DNAH10: variants seen among roughly 807,000 people sequenced by gnomAD.
DNAH10 encodes the protein dynein axonemal heavy chain 10, also known as axonemal beta dynein heavy chain 10.
A neutral mutation model predicts 506.6 loss-of-function variants in DNAH10; 348 were observed. The observed-to-expected ratio is 0.69, with a 90% CI of 0.63 to 0.75. The LOEUF (loss-of-function observed/expected upper bound fraction) is 0.75. Among genes scored for constraint, DNAH10 ranks in the 30% least tolerant of loss-of-function variants. The pLI, the probability that DNAH10 is intolerant of heterozygous loss-of-function variation, is 0.00. For missense variants in DNAH10, 5,179 were observed against 5,787.1 expected, an observed-to-expected ratio of 0.89 and a Z score of 3.41; for synonymous variants, 2,059 against 2,198.6, an observed-to-expected ratio of 0.94 and a Z score of 1.78.
In DNAH10 at chr12:123,848,721, T is replaced by C; in HGVS notation, c.5950-9T>C. The C allele has an allele frequency of 6.2e-7, 1 of 1,613,884 alleles. No individual in the cohort carries two copies. Among genetic ancestry groups the C allele is most frequent in the Non-Finnish European group, 8.5e-7 (1 of 1,179,804 alleles). On this transcript the variant is annotated splice_polypyrimidine_tract_variant and intron_variant, in intron 33 of 78. Transcript: ENST00000673944. The stretch of plus-strand genomic sequence containing the variant: ...AATTGCCCTTGTCCTGACATGTCTT[T>C]CTTCCTAGGCCGTGGGGAAGATTTT...
chr12:123,909,146 A>T lies in DNAH10; in HGVS notation c.9816-115A>T. The T allele has an allele frequency of 7.3e-7, 1 of 1,370,104 alleles. No homozygotes were observed. Among genetic ancestry groups the T allele is most frequent in the Non-Finnish European group, 1.0e-6 (1 of 1,002,816 alleles). The allele number at this position is 1,370,104 out of a possible 1,614,324, so 84.9% of individuals were successfully genotyped here. A position where few individuals can be genotyped will look rare whatever the true frequency, so the allele number is the denominator to read the frequency against. On this transcript the variant is annotated intron_variant, in intron 57 of 78. Transcript: ENST00000673944. The surrounding 1 kb of genome is among the most constrained non-coding windows in gnomAD (Gnocchi z 5.4). ...GACCTGGCTTCTTTCGTTTGCTTGC[A>T]GCAGTAGCTCCAGGGACTGTCTTTT...
At chr12:123,874,606 C>CCCAT (rs111763952) in intron 46 of DNAH10, among the ~76,000 whole-genome samples, 44,474 of 147,984 alleles carry the variant, frequency 0.3, 6,719 homozygotes, top group South Asian at 0.34. Flanking sequence ...CATCCATCTA[C>CCCAT]CCATCCATCC....
At chr12:123,908,597 G>A (rs1953919232) in intron 57 of DNAH10, 1 of 455,522 alleles carries the variant, frequency 2.2e-6, no homozygotes, top group South Asian at 1.5e-5. Context: ...TTGTACCAGC[G>A]CTGCTGTTCT....
intron 36 of DNAH10, among the ~76,000 whole-genome samples, chr12:123,854,105 A>G (rs1428004123): frequency 1.5e-5 from 2 of 136,138 alleles, no homozygotes; most frequent in African/African-American, 5.5e-5. Flanking sequence ...GGTCGAAGGA[A>G]GAGTTATTTA....
Position 123,853,934 on chromosome 12 carries a change from GCACACGCA to G in DNAH10, c.6438+588_6438+595del, listed in dbSNP as rs913398979. ...TACACATACGCACACGCACGCACAC[GCACACGCA>G]CACACACACACATTTGGGTAGTAAA... On this transcript the variant is annotated intron_variant, in intron 36 of 78. Transcript: ENST00000673944. The surrounding 1 kb of genome is among the most constrained non-coding windows in gnomAD (Gnocchi z 4.7). 4.0e-5 allele frequency among the ~76,000 whole-genome samples: 6 copies of G among 149,264 alleles called. No individual in the cohort carries two copies. Among genetic ancestry groups the G allele is most frequent in the African/African-American group, 1.5e-4 (6 of 40,398 alleles).
intron 12 of DNAH10, 41 bp downstream of exon 12, chr12:123,794,153 A>C (rs894569036): frequency 1.8e-6 from 2 of 1,091,574 alleles, no homozygotes; most frequent in African/African-American, 3.3e-5. Flanking sequence ...TTAAAAATAC[A>C]CTTGGCAAAA....
chr12:123,785,792 C>G lies in DNAH10; in HGVS notation c.1277C>G (p.Pro426Arg), dbSNP rs775097365. The change falls in exon 9 of 79, where the codon CCC becomes CGC. Residue 426 changes from proline (P) to arginine (R), a missense_variant. Physicochemically the swap from Pro to Arg is moderately radical, Grantham distance 103. Around this residue, in one of 3 missense-constraint regions of DNAH10, gnomAD observed 4,844 missense variants for 5,430.5 expected, o/e 0.89. Coordinates refer to ENST00000673944, the MANE Select transcript of DNAH10 (RefSeq NM_001372106.1). The surrounding 1 kb of genome is among the most constrained non-coding windows in gnomAD (Gnocchi z 4.1). ...SGFHVVLDTI[P>R]AMMSALRMVW... ...TTCCACGTGGTCCTGGACACCATCCCCGCCATGATGAGTGCCCTGCGGATG... is the reference window on the plus strand; with the variant it reads ...TTCCACGTGGTCCTGGACACCATCCGCGCCATGATGAGTGCCCTGCGGATG... 1 of 1,614,136 alleles carries G rather than the reference C, an allele frequency of 6.2e-7. No individual in the cohort carries two copies. Among genetic ancestry groups the G allele is most frequent in the Non-Finnish European group, 8.5e-7 (1 of 1,179,992 alleles).
rs1482730222 is a variant in DNAH10, at chr12:123,850,712, C to T, written c.6103-176C>T. ...CACTGAGACCTGCCCTCCCCAAGGC[C>T]TTCAGCGAGGGGGGCCCTGCATTGA... On this transcript the variant is annotated intron_variant, in intron 34 of 78. Coordinates refer to ENST00000673944, the MANE Select transcript of DNAH10 (RefSeq NM_001372106.1). This position sits in a 1 kb window ranked among gnomAD's most constrained non-coding sequence, Gnocchi z 5.5. 6.6e-6 allele frequency among the ~76,000 whole-genome samples: 1 copy of T among 152,152 alleles called. No individual in the cohort carries two copies. Among genetic ancestry groups the T allele is most frequent in the Admixed American group, 6.5e-5 (1 of 15,278 alleles).
chr12:123,853,337 C>T lies in DNAH10; in HGVS notation c.6423C>T (p.Ser2141=). 6.2e-7 allele frequency: 1 copy of T among 1,611,660 alleles called. No individual in the cohort carries two copies. Among genetic ancestry groups the T allele is most frequent in the African/African-American group, 1.3e-5 (1 of 74,960 alleles). Residue 2141 remains serine (S), a synonymous_variant, in exon 36 of 79, where the codon TCC becomes TCT. Coordinates refer to ENST00000673944, the MANE Select transcript of DNAH10 (RefSeq NM_001372106.1). The surrounding 1 kb of genome is among the most constrained non-coding windows in gnomAD (Gnocchi z 4.7). ...TGGCTGGTGAGCTGAAGAGAGGCTCCTCTGACCTTAGGGAGGTAGGGGCCA... is the reference window on the plus strand; with the variant it reads ...TGGCTGGTGAGCTGAAGAGAGGCTCTTCTGACCTTAGGGAGGTAGGGGCCA... ...LVMAGELKRG[S]SDLREDVVLM...
chr12:123,844,054 C>T (rs1202493174), intron 30 of DNAH10, among the ~76,000 whole-genome samples: 3 of 152,184 alleles, frequency 2.0e-5, no homozygotes, highest in Non-Finnish European at 2.9e-5. Context: ...CTCACAGTCA[C>T]GCATGGCTGG....
rs1957800626 is a variant in DNAH10, at chr12:123,785,142, CCTCTTGAGGAAT to C, written c.1231-603_1231-592del. On this transcript the variant is annotated intron_variant, in intron 8 of 78. Coordinates refer to ENST00000673944, the MANE Select transcript of DNAH10 (RefSeq NM_001372106.1). The surrounding 1 kb of genome is among the most constrained non-coding windows in gnomAD (Gnocchi z 4.1). ...TGGGTCATATATGGTAACTGTTTAACCTCTTGAGGAATTTCTAGACTGTTTTCCAAAGTGGTT... is the reference window on the plus strand; with the variant it reads ...TGGGTCATATATGGTAACTGTTTAACTTCTAGACTGTTTTCCAAAGTGGTT... Among the ~76,000 whole-genome samples, 2 of 152,130 alleles carry C rather than the reference CCTCTTGAGGAAT, an allele frequency of 1.3e-5. No individual in the cohort carries two copies. Among genetic ancestry groups the C allele is most frequent in the Non-Finnish European group, 2.9e-5 (2 of 68,016 alleles).
chr12:123,889,700 C>G (rs1952892134), intron 52 of DNAH10, among the ~76,000 whole-genome samples: 1 of 152,184 alleles, frequency 6.6e-6, no homozygotes, highest in African/African-American at 2.4e-5. Flanking sequence ...TGTGATCACA[C>G]TCCCTATGGC....
chr12:123,815,995 C>T (rs1959131376), intron 21 of DNAH10, among the ~76,000 whole-genome samples: 1 of 152,208 alleles, frequency 6.6e-6, no homozygotes, highest in Admixed American at 6.5e-5. Context: ...TGGCCCAAAA[C>T]ATCATTTTGT....
At chr12:123,794,691 T>C (rs7965432) in intron 12 of DNAH10, among the ~76,000 whole-genome samples, 102,595 of 151,528 alleles carry the variant, frequency 0.68, 35,482 homozygotes, top group East Asian at 1. Context: ...ACAAAAAATA[T>C]GAAAATTATC....
intron 41 of DNAH10, 123 bp from the exon 42 acceptor site, chr12:123,867,344 C>G (rs773813711): frequency 2.4e-4 from 265 of 1,098,638 alleles, no homozygotes; most frequent in Non-Finnish European, 3.3e-4. Context: ...ATTTCCTCAC[C>G]TGCCAAATGT....
In DNAH10 at chr12:123,929,331, G is replaced by A. The variant is rs1282481733; in HGVS notation, c.12363G>A (p.Lys4121=). 1 of 1,607,936 alleles carries A rather than the reference G, an allele frequency of 6.2e-7. No individual in the cohort carries two copies. The highest frequency in any genetic ancestry group is 8.5e-7 in the Non-Finnish European group (1 of 1,177,208). ...LKLNMRATYF[K]ISHEMLDQCP... ...TCAACATGAGGGCAACTTACTTCAA[G>A]ATCTCTCACGAAATGCTGGACCAGT... The change falls in exon 71 of 79, where the codon AAG becomes AAA. Residue 4121 remains lysine (K), a synonymous_variant. Coordinates refer to ENST00000673944, the MANE Select transcript of DNAH10 (RefSeq NM_001372106.1).
intron 18 of DNAH10, among the ~76,000 whole-genome samples, chr12:123,807,187 ACATCCATC>A (rs3071663): frequency 0.02 from 2,896 of 145,730 alleles, 67 homozygotes; most frequent in African/African-American, 0.057. Flanking sequence ...ATTCATCCCC[ACATCCATC>A]CATCCATCCA....
At chr12:123,794,254 C>T (rs747854951) in intron 12 of DNAH10, 142 bp downstream of exon 12, 6 of 525,588 alleles carry the variant, frequency 1.1e-5, no homozygotes, top group Non-Finnish European at 1.6e-5. Context: ...ACGTAATACA[C>T]GTAACCCGAA....
chr12:123,897,053 T>G (rs1261302946), intron 54 of DNAH10, among the ~76,000 whole-genome samples: 2 of 152,210 alleles, frequency 1.3e-5, no homozygotes, highest in African/African-American at 4.8e-5. Flanking sequence ...GTTCTGTCTG[T>G]ATGAATTTGC....
Sources: allele counts gnomAD v4.1 joint callset (sites outside exome capture counted in the v4.1 genomes callset), GRCh38; gene constraint gnomAD v4.1.1; regional missense constraint gnomAD v4.1.1; non-coding constraint Gnocchi (gnomAD v3.1); transcripts MANE v1.5; gene names NCBI Gene and HGNC (gene_info 2026-07-23, HGNC 2026-07-21).